Variants in FREM2 observed in about 807,000 individuals in gnomAD.
FREM2 encodes the protein FRAS1 related extracellular matrix 2.
A neutral mutation model predicts 219.9 loss-of-function variants in FREM2; 119 were observed. The ratio of observed to expected loss-of-function variants is 0.54; its 90% confidence interval spans 0.47 to 0.63. The LOEUF (loss-of-function observed/expected upper bound fraction) is 0.63, where lower values mean the gene tolerates loss of function less well. FREM2 is among the 30% of genes least tolerant of loss of function. FREM2 has a pLI of 0.00. For missense variants in FREM2, 4,030 were observed against 3,993.6 expected (o/e 1.01, Z -0.25); for synonymous variants, 1,562 against 1,522.8 (o/e 1.03, Z -0.60).
intron 2 of FREM2, among the ~76,000 whole-genome samples, chr13:38,698,009 T>C (rs1870188208): frequency 6.6e-6 from 1 of 152,230 alleles, no homozygotes; most frequent in African/African-American, 2.4e-5. Flanking sequence ...TGTCTTACTA[T>C]TTGTAAAGCA....
chr13:38,861,005 A>T (rs1253755346), intron 14 of FREM2, among the ~76,000 whole-genome samples: 2 of 152,252 alleles, frequency 1.3e-5, no homozygotes, highest in Non-Finnish European at 2.9e-5. Flanking sequence ...AAACATAACT[A>T]ATGATAAGTA....
intron 2 of FREM2, among the ~76,000 whole-genome samples, chr13:38,715,820 T>C (rs1214773219): frequency 6.6e-6 from 1 of 152,100 alleles, no homozygotes; most frequent in Non-Finnish European, 1.5e-5. Context: ...TAGTCTCCAG[T>C]AGTCCATGTA....
At chr13:38,870,051 A>G (rs547054842) in intron 16 of FREM2, among the ~76,000 whole-genome samples, 1 of 152,198 alleles carries the variant, frequency 6.6e-6, no homozygotes, top group Non-Finnish European at 1.5e-5. Context: ...TAATGTACTT[A>G]TCAGAAGACA....
intron 2 of FREM2, among the ~76,000 whole-genome samples, chr13:38,745,117 A>G (rs1403430215): frequency 6.6e-6 from 1 of 152,230 alleles, no homozygotes; most frequent in African/African-American, 2.4e-5. Context: ...CTAAATGGAA[A>G]ATATGACTGT....
intron 18 of FREM2, 133 bp downstream of exon 18, chr13:38,874,719 A>T (rs1878284359): frequency 4.0e-6 from 3 of 747,872 alleles, no homozygotes; most frequent in Non-Finnish European, 7.2e-6. Flanking sequence ...ATGTGGGATT[A>T]TCTCCATGAG....
intron 6 of FREM2, among the ~76,000 whole-genome samples, chr13:38,812,747 G>A (rs1875542410): frequency 6.6e-6 from 1 of 151,996 alleles, no homozygotes; most frequent in African/African-American, 2.4e-5. Context: ...GCCAGGTGTG[G>A]TGGTGTGTAC....
Position 38,687,951 on chromosome 13 carries a change from C to A in FREM2, c.607C>A (p.Arg203=). 6.2e-7 allele frequency: 1 copy of A among 1,608,958 alleles called. No individual in the cohort carries two copies. The highest frequency in any genetic ancestry group is 8.5e-7 in the Non-Finnish European group (1 of 1,177,200). ...GGGGACCAGCAATGCCCTGGACGCG[C>A]GGAGCCTGGAGTTCGCCTTCCAGCC... ...LLGTSNALDA[R]SLEFAFQPET... is the part of the protein sequence containing the mutation. Residue 203 remains arginine, a synonymous_variant, in exon 1 of 24, where the codon CGG becomes AGG. Coordinates refer to ENST00000280481, the MANE Select transcript of FREM2 (RefSeq NM_207361.6).
rs1000912828 is a variant in FREM2 at position 38,691,092 on chromosome 13, G to C, written c.3748G>C (p.Glu1250Gln). 1 of 1,613,912 alleles carries C rather than the reference G, an allele frequency of 6.2e-7. No individual in the cohort carries two copies. Among genetic ancestry groups the C allele is most frequent in the African/African-American group, 1.3e-5 (1 of 74,854 alleles). Residue 1250 changes from glutamate (E) to glutamine (Q), a missense_variant, in exon 1 of 24, where the codon GAA (glutamate) becomes CAA (glutamine). Around this residue, in one of 2 missense-constraint regions of FREM2, gnomAD observed 3,102 missense variants for 2,950.7 expected, o/e 1.05. Coordinates refer to ENST00000280481, the MANE Select transcript of FREM2 (RefSeq NM_207361.6). Reference sequence around the variant, plus strand: ...GCTGATAAATGGCACGGTTTTGGTCGAAAGCTTCACCTTGGATCAGATCAT... The same window carrying C: ...GCTGATAAATGGCACGGTTTTGGTCCAAAGCTTCACCTTGGATCAGATCAT... ...NQLINGTVLV[E>Q]SFTLDQIIES...
At chr13:38,846,454 A>T (rs371821280) in intron 6 of FREM2, 119 bp from the exon 7 acceptor site, 13 of 1,002,714 alleles carry the variant, frequency 1.3e-5, no homozygotes, top group African/African-American at 9.7e-5. Context: ...AAAGGAAAAA[A>T]GTATGATGAT....
At position 38,880,311 on chromosome 13, in the gene FREM2, C is replaced by A; in HGVS notation, c.9034C>A (p.His3012Asn). The A allele has an allele frequency of 6.2e-7, 1 of 1,613,860 alleles. No homozygotes were observed. The highest frequency in any genetic ancestry group is 8.5e-7 in the Non-Finnish European group (1 of 1,179,876). The change falls in exon 24 of 24, where the codon CAT becomes AAT. Residue 3012 changes from histidine to asparagine, a missense_variant. Coordinates refer to ENST00000280481, the MANE Select transcript of FREM2 (RefSeq NM_207361.6). Reference sequence around the variant, plus strand: ...CGCTCTAGGCCGAGAATGGTATATACATACGATCTATACAGTGAGATCGAA... The same window carrying A: ...CGCTCTAGGCCGAGAATGGTATATAAATACGATCTATACAGTGAGATCGAA... ...QVALGREWYIHTIYTVRSKDN... is the reference protein window; with the variant it reads ...QVALGREWYINTIYTVRSKDN...
intron 2 of FREM2, among the ~76,000 whole-genome samples, chr13:38,730,677 G>A (rs2442359): frequency 0.55 from 84,194 of 152,084 alleles, 26,213 homozygotes; most frequent in Non-Finnish European, 0.7. Context: ...TATGTGTTTT[G>A]AGATACGTGT....
At chr13:38,825,675 C>T (rs1876253553) in intron 6 of FREM2, among the ~76,000 whole-genome samples, 1 of 152,024 alleles carries the variant, frequency 6.6e-6, no homozygotes, top group Admixed American at 6.6e-5. Flanking sequence ...TGTATCTGAA[C>T]ACCAGTAGCC....
chr13:38,747,076 G>C (rs536854018), intron 2 of FREM2, among the ~76,000 whole-genome samples: 4 of 152,154 alleles, frequency 2.6e-5, no homozygotes, highest in Non-Finnish European at 5.9e-5. Flanking sequence ...CATTCTATCA[G>C]GTATTTCCTT....
chr13:38,793,265 A>G (rs866910228), intron 6 of FREM2, among the ~76,000 whole-genome samples: 4 of 152,190 alleles, frequency 2.6e-5, no homozygotes, highest in South Asian at 2.1e-4. Context: ...GACAAGCATA[A>G]AATAAATGTG....
At chr13:38,852,966 AAAG>A (rs1480663400) in intron 11 of FREM2, among the ~76,000 whole-genome samples, 9 of 151,606 alleles carry the variant, frequency 5.9e-5, no homozygotes, top group African/African-American at 1.9e-4. Flanking sequence ...TTGTCCTCCC[AAAG>A]TGCTTGGATT....
chr13:38,749,827 G>C (rs148867529), intron 2 of FREM2, among the ~76,000 whole-genome samples: 5 of 152,308 alleles, frequency 3.3e-5, no homozygotes, highest in African/African-American at 1.2e-4. Flanking sequence ...CACTTTCCAA[G>C]TCTGCTCTTT....
intron 6 of FREM2, among the ~76,000 whole-genome samples, chr13:38,839,090 G>C (rs565852194): frequency 6.6e-6 from 1 of 152,108 alleles, no homozygotes; most frequent in Non-Finnish European, 1.5e-5. Flanking sequence ...CCTCATCTTC[G>C]TGGATTTATC....
At chr13:38,764,511 C>T in intron 3 of FREM2, 61 bp downstream of exon 3, 1 of 1,005,434 alleles carries the variant, frequency 9.9e-7, no homozygotes, top group Non-Finnish European at 1.5e-6. Flanking sequence ...GTTTATAATT[C>T]TACAGTGATT....
rs1484020430 is a variant in FREM2 at position 38,732,843 on chromosome 13, C to T, written c.5264-31461C>T. Among the ~76,000 whole-genome samples the T allele has an allele frequency of 3.3e-5, 5 of 152,176 alleles. No homozygotes were observed. In the South Asian group the frequency reaches 1.0e-3, roughly 32 times the overall value. On this transcript the variant is annotated intron_variant, in intron 2 of 23. Coordinates refer to ENST00000280481, the MANE Select transcript of FREM2 (RefSeq NM_207361.6). ...ACACTATTTTATATGGTTCTGAGAACCTCTTGCAGAGCTTAGGAGCCTGGA... is the reference window on the plus strand; with the variant it reads ...ACACTATTTTATATGGTTCTGAGAATCTCTTGCAGAGCTTAGGAGCCTGGA...
Sources: allele counts gnomAD v4.1 joint callset (sites outside exome capture counted in the v4.1 genomes callset), GRCh38; gene constraint gnomAD v4.1.1; regional missense constraint gnomAD v4.1.1; transcripts MANE v1.5; gene names NCBI Gene and HGNC (gene_info 2026-07-23, HGNC 2026-07-21).